TAF3: variants seen among roughly 807,000 people sequenced by gnomAD.
The protein encoded by TAF3 is TATA-box binding protein associated factor 3, also known as transcription initiation factor TFIID subunit 3.
TAF3 carries 7 observed loss-of-function variants against 80.6 expected under a neutral mutation model. That is an observed-to-expected ratio of 0.09 (90% CI 0.05 to 0.16). The LOEUF (loss-of-function observed/expected upper bound fraction) is 0.16. TAF3 is among the 10% of genes least tolerant of loss of function. The probability of loss-of-function intolerance (pLI) is 1.00; values close to 1 mark genes in which losing one functional copy is unlikely to be tolerated. For synonymous variants in TAF3, 444 were observed against 446.1 expected, an observed-to-expected ratio of 1.00 and a Z score of 0.06; for missense variants, 921 against 1,140.2, an observed-to-expected ratio of 0.81 and a Z score of 2.77.
At chr10:7,876,473 A>G (rs2131150374) in intron 2 of TAF3, among the ~76,000 whole-genome samples, 1 of 152,332 alleles carries the variant, frequency 6.6e-6, no homozygotes, top group East Asian at 1.9e-4. Context: ...TGGTTTTATA[A>G]GAATCGAATA....
intron 2 of TAF3, among the ~76,000 whole-genome samples, chr10:7,892,326 G>A (rs1267767394): frequency 6.6e-6 from 1 of 152,208 alleles, no homozygotes; most frequent in Non-Finnish European, 1.5e-5. Context: ...TGGGTGAGCT[G>A]CTGAGGAGCT....
intron 2 of TAF3, among the ~76,000 whole-genome samples, chr10:7,934,336 G>C (rs894924488): frequency 1.3e-5 from 2 of 152,178 alleles, no homozygotes; most frequent in Non-Finnish European, 2.9e-5. Flanking sequence ...CGTAAAATAA[G>C]TGTGTCTTAT....
intron 2 of TAF3, among the ~76,000 whole-genome samples, chr10:7,917,402 A>G (rs963430912): frequency 6.6e-6 from 1 of 152,242 alleles, no homozygotes; most frequent in Admixed American, 6.5e-5. Context: ...CCAGCTGTGC[A>G]TGAGAGGGAG....
At chr10:7,977,591 T>A (rs1428844877) in intron 4 of TAF3, among the ~76,000 whole-genome samples, 1 of 152,222 alleles carries the variant, frequency 6.6e-6, no homozygotes, top group Non-Finnish European at 1.5e-5. Context: ...TGCATAGTCT[T>A]TAAGGTCCCA....
chr10:7,832,040 A>C (rs1256593524), intron 2 of TAF3, among the ~76,000 whole-genome samples: 1 of 152,122 alleles, frequency 6.6e-6, no homozygotes, highest in Non-Finnish European at 1.5e-5. Context: ...TTTTTTGTGG[A>C]GAGAACATTT....
intron 2 of TAF3, among the ~76,000 whole-genome samples, chr10:7,929,653 C>T (rs1329434518): frequency 3.9e-5 from 6 of 152,116 alleles, no homozygotes; most frequent in Admixed American, 2.6e-4. Context: ...TGTGAGCCAC[C>T]GTGCCTGGCC....
chr10:7,875,030 A>G (rs556743454), intron 2 of TAF3, among the ~76,000 whole-genome samples: 1 of 152,094 alleles, frequency 6.6e-6, no homozygotes, highest in Admixed American at 6.6e-5. Flanking sequence ...TCAATTATAG[A>G]TAGCAGTTTG....
chr10:7,936,986 C>T lies in TAF3; in HGVS notation c.410-26934C>T, dbSNP rs1266457648. ...TTCTTTCACTTACCAATATGCATTT[C>T]AGATTCCTCTGTATCTTTTTATGGC... On this transcript the variant is annotated intron_variant, in intron 2 of 6. Transcript: ENST00000344293. Among the ~76,000 whole-genome samples, 7 of 152,114 alleles carry T rather than the reference C, an allele frequency of 4.6e-5. No individual in the cohort carries two copies. In the East Asian group the frequency reaches 1.3e-3, roughly 29 times the overall value.
intron 2 of TAF3, among the ~76,000 whole-genome samples, chr10:7,956,899 T>C (rs1314409915): frequency 2.6e-5 from 4 of 152,218 alleles, no homozygotes; most frequent in Non-Finnish European, 5.9e-5. Context: ...AAATAGGTAT[T>C]ACCACACTGT....
At position 7,968,418 on chromosome 10, in the gene TAF3, G is replaced by A. The variant is rs939484712; in HGVS notation, c.2232+2676G>A. On this transcript the variant is annotated intron_variant, in intron 3 of 6. Coordinates refer to ENST00000344293, the MANE Select transcript of TAF3 (RefSeq NM_031923.4). The stretch of plus-strand genomic sequence containing the variant: ...CAATAAAGATGTGATTAATTAAAAC[G>A]GAATTTGCATGGTAGGTAGAAGGAG... Among the ~76,000 whole-genome samples the A allele has an allele frequency of 3.9e-5, 6 of 152,144 alleles. No homozygotes were observed. In the South Asian group the frequency reaches 6.2e-4, roughly 16 times the overall value.
At chr10:7,839,497 CT>C (rs1360059153) in intron 2 of TAF3, among the ~76,000 whole-genome samples, 1 of 152,148 alleles carries the variant, frequency 6.6e-6, no homozygotes, top group Admixed American at 6.5e-5. Flanking sequence ...CAAAAATTAG[CT>C]TGTCCAAAGT....
rs1832039330 is a variant in TAF3, at chr10:8,010,000, C to T, written c.2568+670C>T. On this transcript the variant is annotated intron_variant, in intron 5 of 6. Coordinates refer to ENST00000344293, the MANE Select transcript of TAF3 (RefSeq NM_031923.4). This position sits in a 1 kb window ranked among gnomAD's most constrained non-coding sequence, Gnocchi z 4.1. ...GATCTCGGCTCACTGCAGCCCCTGC[C>T]TCCCAGGCTCAAGCGATCCTCCCAC... Among the ~76,000 whole-genome samples, 1 of 151,958 alleles carries T rather than the reference C, an allele frequency of 6.6e-6. No homozygotes were observed. The highest frequency in any genetic ancestry group is 2.4e-5 in the African/African-American group (1 of 41,332).
At chr10:7,928,460 G>A (rs1253853869) in intron 2 of TAF3, among the ~76,000 whole-genome samples, 1 of 152,120 alleles carries the variant, frequency 6.6e-6, no homozygotes, top group Non-Finnish European at 1.5e-5. Flanking sequence ...TGCATTTATG[G>A]AAATCTTCAA....
At chr10:8,010,138 C>A (rs1032537373) in intron 5 of TAF3, among the ~76,000 whole-genome samples, 1 of 152,162 alleles carries the variant, frequency 6.6e-6, no homozygotes, top group Non-Finnish European at 1.5e-5. Context: ...AGCTCCTGAG[C>A]TCCAGCAATC....
chr10:7,938,547 GC>G (rs1293781717), intron 2 of TAF3, among the ~76,000 whole-genome samples: 1 of 152,028 alleles, frequency 6.6e-6, no homozygotes, highest in Non-Finnish European at 1.5e-5. Flanking sequence ...AATTTGAACG[GC>G]CAGTCAGACA....
intron 2 of TAF3, among the ~76,000 whole-genome samples, chr10:7,918,945 C>T (rs1837738134): frequency 6.6e-6 from 1 of 152,144 alleles, no homozygotes; most frequent in African/African-American, 2.4e-5. Flanking sequence ...GGACAGCTTG[C>T]TGCGTGGTAT....
chr10:7,899,050 C>T (rs954103357), intron 2 of TAF3, among the ~76,000 whole-genome samples: 1 of 152,062 alleles, frequency 6.6e-6, no homozygotes, highest in Admixed American at 6.5e-5. Flanking sequence ...CCCCAATCTA[C>T]CTGGAAGGGA....
At chr10:7,971,383 G>A (rs973552123) in intron 3 of TAF3, among the ~76,000 whole-genome samples, 5 of 150,852 alleles carry the variant, frequency 3.3e-5, no homozygotes, top group African/African-American at 4.9e-5. Flanking sequence ...CTAACATACC[G>A]GCATAGATGG....
At chr10:7,826,727 C>T (rs1836745619) in intron 2 of TAF3, among the ~76,000 whole-genome samples, 1 of 152,142 alleles carries the variant, frequency 6.6e-6, no homozygotes, top group Non-Finnish European at 1.5e-5. Context: ...GTAGGCAGTA[C>T]AGTAAGATGC....
Sources: gnomAD v4.1 joint callset for allele counts (sites outside exome capture counted in the v4.1 genomes callset) on GRCh38, gnomAD v4.1.1 for gene constraint, Gnocchi (gnomAD v3.1) non-coding constraint, MANE v1.5 for transcripts, NCBI Gene and HGNC (gene_info 2026-07-23, HGNC 2026-07-21) for gene names.